The following TENM1 variants were observed in gnomAD, a reference collection of about 807,000 sequenced individuals.
The protein encoded by TENM1 is teneurin transmembrane protein 1.
In TENM1, 35 loss-of-function variants were observed where a neutral mutation model predicts 174.8. The observed-to-expected ratio is 0.20, with a 90% confidence interval of 0.15 to 0.27. The LOEUF (loss-of-function observed/expected upper bound fraction) is 0.27. TENM1 is among the 10% of genes least tolerant of loss of function. The pLI is 1.00. For synonymous variants in TENM1, 781 were observed against 798.7 expected (o/e 0.98, Z 0.37); for missense variants, 1,633 against 2,130.1 (o/e 0.77, Z 4.59).
At chrX:124,956,281 A>T (rs1569488686) in intron 1 of TENM1, among the ~76,000 whole-genome samples, 1 of 112,261 alleles carries the variant, frequency 8.9e-6, no homozygotes, top group Non-Finnish European at 1.9e-5. Flanking sequence ...TATTGAGGGC[A>T]AAGATTGCTT....
At chrX:124,411,074 T>G (rs2060526263) in intron 25 of TENM1, among the ~76,000 whole-genome samples, 1 of 112,350 alleles carries the variant, frequency 8.9e-6, no homozygotes, top group African/African-American at 3.2e-5. Context: ...TGCAGTGACC[T>G]GTGGCTAAAT....
chrX:125,046,212 T>A, the TENM1 span, among the ~76,000 whole-genome samples: 2 of 111,999 alleles, frequency 1.8e-5, no homozygotes, highest in East Asian at 5.7e-4. Flanking sequence ...AAAGGTGTTA[T>A]TTTTATCCAT....
At chrX:124,561,549 C>G in intron 14 of TENM1, 122 bp downstream of exon 17, 1 of 765,563 alleles carries the variant, frequency 1.3e-6, no homozygotes, top group Non-Finnish European at 1.9e-6. Context: ...TAGCATTACC[C>G]TATATAACTC....
intron 19 of TENM1, among the ~76,000 whole-genome samples, chrX:124,502,522 C>G (rs1489831896): frequency 3.5e-5 from 4 of 112,681 alleles, no homozygotes; most frequent in African/African-American, 1.3e-4. Flanking sequence ...ATGTCAAACT[C>G]TTTCAAATCA....
chrX:125,039,131 C>G, the TENM1 span, among the ~76,000 whole-genome samples: 2 of 111,426 alleles, frequency 1.8e-5, no homozygotes, highest in Non-Finnish European at 3.8e-5. Flanking sequence ...AGTTGTTTAC[C>G]TATGAATACA....
the TENM1 span, among the ~76,000 whole-genome samples, chrX:125,041,113 G>A: frequency 4.5e-5 from 5 of 111,340 alleles, no homozygotes; most frequent in East Asian, 2.8e-4. Context: ...TGCCAGAGAC[G>A]GTTCTATTTC....
At chrX:124,830,820 A>G (rs1386452512) in intron 3 of TENM1, among the ~76,000 whole-genome samples, 1 of 112,146 alleles carries the variant, frequency 8.9e-6, no homozygotes, top group African/African-American at 3.2e-5. Flanking sequence ...TCTTATACAC[A>G]CAAAGATTTT....
chrX:124,743,474 TAGAG>T (rs2053847422), intron 3 of TENM1, among the ~76,000 whole-genome samples: 1 of 110,909 alleles, frequency 9.0e-6, no homozygotes, highest in Non-Finnish European at 1.9e-5. Context: ...GAGAGAGAAA[TAGAG>T]AGGAGATATC....
chrX:124,923,961 T>C (rs2058057620), intron 1 of TENM1, among the ~76,000 whole-genome samples: 1 of 112,505 alleles, frequency 8.9e-6, no homozygotes, highest in Admixed American at 9.4e-5. Context: ...AACACATTTG[T>C]GTTGTTTTAA....
chrX:124,826,385 G>A (rs1364331617), intron 3 of TENM1, among the ~76,000 whole-genome samples: 2 of 108,100 alleles, frequency 1.9e-5, no homozygotes, highest in African/African-American at 6.8e-5. Flanking sequence ...ATCTAGCCTG[G>A]GTAACAGAGT....
chrX:124,655,039 T>C (rs368880027), intron 6 of TENM1, among the ~76,000 whole-genome samples: 1 of 112,208 alleles, frequency 8.9e-6, no homozygotes, highest in East Asian at 2.8e-4. Flanking sequence ...GGCAGTTTTT[T>C]AAAATACAAT....
intron 3 of TENM1, among the ~76,000 whole-genome samples, chrX:124,777,079 C>T (rs755632881): frequency 9.0e-6 from 1 of 110,866 alleles, no homozygotes; most frequent in East Asian, 2.8e-4. Flanking sequence ...AGCAGTCATC[C>T]TCCTTCTCAT....
At chrX:124,752,004 C>A (rs1395335219) in intron 3 of TENM1, among the ~76,000 whole-genome samples, 1 of 110,465 alleles carries the variant, frequency 9.1e-6, no homozygotes, top group African/African-American at 3.3e-5. Flanking sequence ...TGGGTATATA[C>A]CCAGTAATGG....
rs186669270 is a variant in TENM1 at position 124,427,641 on chromosome X, C to T, written c.4105-5003G>A. On this transcript the variant is annotated intron_variant, in intron 23 of 31. Transcript: ENST00000422452. ...TCAGAAGCTGGACCTCTTCACCTCT[C>T]GTAGCTTGTCAGTTCCTTTTATGTC... Among the ~76,000 whole-genome samples, 501 of 111,960 alleles carry T rather than the reference C, an allele frequency of 4.5e-3. 4 individuals carry two copies. The highest frequency in any genetic ancestry group is 0.015 in the African/African-American group (474 of 30,853).
chrX:124,502,405 C>T (rs771656448), intron 19 of TENM1, among the ~76,000 whole-genome samples: 3 of 111,869 alleles, frequency 2.7e-5, no homozygotes, highest in Non-Finnish European at 3.8e-5. Flanking sequence ...GGGGCTGGCT[C>T]GATTGAGGTC....
At chrX:124,691,829 T>C (rs979733250) in intron 5 of TENM1, among the ~76,000 whole-genome samples, 2 of 111,217 alleles carry the variant, frequency 1.8e-5, no homozygotes, top group Non-Finnish European at 3.8e-5. Flanking sequence ...TGTTTTCTTT[T>C]ATTGATGTGA....
intron 11 of TENM1, among the ~76,000 whole-genome samples, chrX:124,606,448 T>C (rs2050159484): frequency 9.0e-6 from 1 of 111,730 alleles, no homozygotes; most frequent in African/African-American, 3.2e-5. Flanking sequence ...AGTCCTCATT[T>C]TGCCATTTAT....
chrX:124,561,013 TATC>T (rs2048807404), intron 14 of TENM1, among the ~76,000 whole-genome samples: 1 of 111,150 alleles, frequency 9.0e-6, no homozygotes, highest in Non-Finnish European at 1.9e-5. Flanking sequence ...TTTTAAAAAA[TATC>T]ATGCGCAGCT....
chrX:124,459,919 G>T (rs1163454386), intron 22 of TENM1, among the ~76,000 whole-genome samples: 1 of 111,494 alleles, frequency 9.0e-6, no homozygotes, highest in Non-Finnish European at 1.9e-5. Flanking sequence ...GTGGGCAAAG[G>T]ACATGAACAA....
Sources: gnomAD v4.1 joint callset for allele counts (sites outside exome capture counted in the v4.1 genomes callset) on GRCh38, gnomAD v4.1.1 for gene constraint, MANE v1.5 for transcripts, NCBI Gene and HGNC (gene_info 2026-07-23, HGNC 2026-07-21) for gene names.